Variants in TYK2 observed in about 807,000 individuals in gnomAD.
The protein encoded by TYK2 is non-receptor tyrosine-protein kinase TYK2.
TYK2 carries 65 observed loss-of-function variants against 130.9 expected under a neutral mutation model. The observed-to-expected ratio is 0.50, with a 90% CI of 0.41 to 0.61. The LOEUF (loss-of-function observed/expected upper bound fraction) is 0.61, where lower values mean the gene tolerates loss of function less well. Ranked by LOEUF, TYK2 falls within the 20% of genes least tolerant of loss-of-function variation. The pLI, the probability that TYK2 is intolerant of heterozygous loss-of-function variation, is 0.00. For missense variants in TYK2, 1,378 were observed against 1,610.7 expected, an observed-to-expected ratio of 0.86 and a Z score of 2.47; for synonymous variants, 647 against 658.9, an observed-to-expected ratio of 0.98 and a Z score of 0.28.
chr19:10,358,327 G>T (rs1411428299), intron 15 of TYK2, among the ~76,000 whole-genome samples, 189 bp from the exon 16 acceptor site: 3 of 135,398 alleles, frequency 2.2e-5, no homozygotes, highest in Non-Finnish European at 4.6e-5. Context: ...TTAAGACAGG[G>T]TCTCACTCTG....
rs1199501792 is a variant in TYK2, at chr19:10,357,639, G to A, written c.2466+125C>T. On this transcript the variant is annotated intron_variant, in intron 17 of 24. Coordinates refer to ENST00000525621, the MANE Select transcript of TYK2 (RefSeq NM_003331.5). ...AGCCCCAGCGAGTGGCCCACCTGCT[G>A]GTAGCCCAGAGAGACTTGAAGTCAC... The A allele has an allele frequency of 5.8e-6, 8 of 1,374,748 alleles. No homozygotes were observed. In the Middle Eastern group the frequency reaches 7.0e-4, roughly 121 times the overall value. 85.2% of individuals were successfully genotyped at this position (1,374,748 alleles called of 1,614,324 possible). A position where few individuals can be genotyped will look rare whatever the true frequency, so the allele number is the denominator to read the frequency against.
At chr19:10,360,255 G>A (rs928889524) in intron 14 of TYK2, among the ~76,000 whole-genome samples, 6 of 152,104 alleles carry the variant, frequency 3.9e-5, no homozygotes, top group African/African-American at 1.4e-4. Context: ...GTCACTTTGG[G>A]AGGCTGAGGC....
At position 10,358,846 on chromosome 19, in the gene TYK2, C is replaced by T. The variant is rs557381184; in HGVS notation, c.2175+329G>A. Among the ~76,000 whole-genome samples, 5 of 151,928 alleles carry T rather than the reference C, an allele frequency of 3.3e-5. No individual in the cohort carries two copies. The South Asian group carries it at 6.2e-4, about 19-fold the overall frequency. On this transcript the variant is annotated intron_variant, in intron 15 of 24. Coordinates refer to ENST00000525621, the MANE Select transcript of TYK2 (RefSeq NM_003331.5). ...TTGGGAGGCTGAGGCGGATGGATCA[C>T]GAGGTCAGAAGTTCGAGACCAGCCT...
rs2040780540 is a variant in TYK2 at position 10,351,117 on chromosome 19, G to A, written c.3364C>T (p.Leu1122=). ...IGIAQGQMTV[L]RLTELLERGE... The stretch of plus-strand genomic sequence containing the variant: ...CGTTCCAGCAACTCAGTGAGTCTCA[G>A]AACTGTCATCTGACCCTGAGCAATG... The change falls in exon 24 of 25, where the codon CTG becomes TTG. Residue 1122 remains leucine (L), a synonymous_variant. Transcript: ENST00000525621. 1 of 1,614,108 alleles carries A rather than the reference G, an allele frequency of 6.2e-7. No individual in the cohort carries two copies. Among genetic ancestry groups the A allele is most frequent in the Non-Finnish European group, 8.5e-7 (1 of 1,180,036 alleles).
At chr19:10,356,136 T>C (rs1212911843) in intron 18 of TYK2, among the ~76,000 whole-genome samples, 3 of 152,046 alleles carry the variant, frequency 2.0e-5, no homozygotes, top group Non-Finnish European at 4.4e-5. Context: ...CCCAGCAATT[T>C]GGGAGGCTGA....
At chr19:10,374,055 A>T (rs2042017727) in intron 3 of TYK2, among the ~76,000 whole-genome samples, 1 of 151,880 alleles carries the variant, frequency 6.6e-6, no homozygotes, top group Non-Finnish European at 1.5e-5. Flanking sequence ...TCACGAGGTC[A>T]GGAGATCGAG....
At chr19:10,362,227 T>C (rs764214657) in intron 11 of TYK2, 37 bp downstream of exon 11, 11 of 1,613,370 alleles carry the variant, frequency 6.8e-6, no homozygotes, top group Non-Finnish European at 9.3e-6. Context: ...GGGGGAGAGA[T>C]GCCACATCCC....
intron 23 of TYK2, 44 bp from the exon 24 acceptor site, chr19:10,351,206 G>C (rs2040785904): frequency 6.5e-7 from 1 of 1,530,546 alleles, no homozygotes; most frequent in African/African-American, 1.4e-5. Flanking sequence ...GGCAATGAAA[G>C]GCAGGCACGG....
rs781222747 is a variant in TYK2 at position 10,354,599 on chromosome 19, G to C, written c.2628C>G (p.Asp876Glu). The C allele has an allele frequency of 1.2e-5, 19 of 1,613,806 alleles. No homozygotes were observed. The Admixed American group carries it at 1.3e-4, about 11-fold the overall frequency. The change falls in exon 19 of 25, where the codon GAC (aspartate) becomes GAG (glutamate). Residue 876 changes from aspartate to glutamate, a missense_variant. Physicochemically the swap from Asp to Glu is conservative, Grantham distance 45. Transcript: ENST00000525621. ...GTGAGTCCGGGTTCACAGTCAAGAC[G>C]TCAGCAAGATCTGGAAGAGTTGCGG... ...LTRLQPHNLA[D>E]VLTVNPDSPA...
chr19:10,362,009 TCCCAGGGCCCCCAGCACCCACATC>T, intron 12 of TYK2, 45 bp downstream of exon 12: 1 of 1,613,256 alleles, frequency 6.2e-7, no homozygotes, highest in South Asian at 1.1e-5. Flanking sequence ...GCAGCTGATC[TCCCAGGGCCCCCAGCACCCACATC>T]CCCAGGGGCC....
At chr19:10,371,125 C>T (rs1374998881) in intron 3 of TYK2, among the ~76,000 whole-genome samples, 1 of 151,722 alleles carries the variant, frequency 6.6e-6, no homozygotes, top group African/African-American at 2.4e-5. Flanking sequence ...GCCACCATGC[C>T]CAGCTGATTT....
rs1189879569 is a variant in TYK2, at chr19:10,350,765, A to T, written c.*69T>A. ...CCCCCTCTTGGTTTCATCCTGGAGC[A>T]GGGAGCAGGAGGCTCCCTCTGCAGC... On this transcript the variant is annotated 3_prime_UTR_variant, in exon 25 of 25. Coordinates refer to ENST00000525621, the MANE Select transcript of TYK2 (RefSeq NM_003331.5). 2.5e-6 allele frequency: 4 copies of T among 1,583,552 alleles called. No homozygotes were observed. The highest frequency in any genetic ancestry group is 3.4e-6 in the Non-Finnish European group (4 of 1,162,214).
At chr19:10,357,664 C>G in intron 17 of TYK2, 100 bp downstream of exon 17, 1 of 1,503,830 alleles carries the variant, frequency 6.6e-7, no homozygotes. Context: ...CTTGAAGTCA[C>G]GAGGCCAGAA....
intron 5 of TYK2, among the ~76,000 whole-genome samples, chr19:10,366,785 C>T (rs1644344874): frequency 1.3e-5 from 2 of 151,492 alleles, no homozygotes; most frequent in African/African-American, 4.8e-5. Flanking sequence ...TGGCTCACGC[C>T]TATAATCCCA....
chr19:10,369,198 C>T (rs2041808725), intron 3 of TYK2, among the ~76,000 whole-genome samples: 1 of 152,154 alleles, frequency 6.6e-6, no homozygotes, highest in Non-Finnish European at 1.5e-5. Flanking sequence ...ACTCTACAAA[C>T]TGCTGCAATT....
In TYK2 at chr19:10,354,246, C is replaced by A. The variant is rs577565850; in HGVS notation, c.2716-12G>T. 21 of 1,609,588 alleles carry A rather than the reference C, an allele frequency of 1.3e-5. No homozygotes were observed. The highest frequency in any genetic ancestry group is 1.8e-5 in the Non-Finnish European group (21 of 1,179,942). On this transcript the variant is annotated splice_polypyrimidine_tract_variant and intron_variant, in intron 19 of 24. Transcript: ENST00000525621. The stretch of plus-strand genomic sequence containing the variant: ...TTGCCGAAGTGACCCTGGTCGGGAG[C>A]GCACGAGGGTCAGCTCCACCTCCCC...
intron 2 of TYK2, among the ~76,000 whole-genome samples, chr19:10,378,944 C>T (rs1273828223): frequency 6.6e-6 from 1 of 152,086 alleles, no homozygotes; most frequent in Non-Finnish European, 1.5e-5. Flanking sequence ...TCTTGCTCAC[C>T]ACAACCTCTG....
chr19:10,364,518 C>G lies in TYK2; in HGVS notation c.1367+96G>C. On this transcript the variant is annotated intron_variant, in intron 9 of 24. Transcript: ENST00000525621. This position sits in a 1 kb window ranked among gnomAD's most constrained non-coding sequence, Gnocchi z 4.9. ...GACAAAAAATAAAAAAAAAATAAGA[C>G]GTGCACCTACACACACACCCTGCAC... is the stretch of plus-strand genomic sequence containing the variant. 1 of 1,391,060 alleles carries G rather than the reference C, an allele frequency of 7.2e-7. No homozygotes were observed. The highest frequency in any genetic ancestry group is 1.8e-5 in the Admixed American group (1 of 54,274). 86.2% of individuals were successfully genotyped at this position (1,391,060 alleles called of 1,614,324 possible). A position where few individuals can be genotyped will look rare whatever the true frequency, so the allele number is the denominator to read the frequency against.
At chr19:10,355,065 A>T (rs956711397) in intron 18 of TYK2, among the ~76,000 whole-genome samples, 1 of 151,850 alleles carries the variant, frequency 6.6e-6, no homozygotes. Context: ...AAGAAAAAGA[A>T]AAAACAGAAA....
Sources: gnomAD v4.1 joint callset for allele counts (sites outside exome capture counted in the v4.1 genomes callset) on GRCh38, gnomAD v4.1.1 for gene constraint, Gnocchi (gnomAD v3.1) non-coding constraint, MANE v1.5 for transcripts, NCBI Gene and HGNC (gene_info 2026-07-23, HGNC 2026-07-21) for gene names.